COL21A1: variants seen among roughly 807,000 people sequenced by gnomAD.
COL21A1 encodes collagen alpha-1(XXI) chain.
COL21A1 carries 149 observed loss-of-function variants against 137.9 expected under a neutral mutation model. The ratio of observed to expected loss-of-function variants is 1.08; its 90% CI spans 0.95 to 1.24. The LOEUF is 1.24. COL21A1 is among the 50% of genes most tolerant of loss of function. The probability of loss-of-function intolerance (pLI) is 0.00; values close to 1 mark genes in which losing one functional copy is unlikely to be tolerated. For missense variants in COL21A1, 1,167 were observed against 1,158.4 expected (o/e 1.01, Z -0.11); for synonymous variants, 456 against 391.5 (o/e 1.16, Z -1.95).
intron 1 of COL21A1, among the ~76,000 whole-genome samples, chr6:56,215,048 G>A (rs574883649): frequency 2.0e-5 from 3 of 152,096 alleles, no homozygotes; most frequent in African/African-American, 4.8e-5. Context: ...AATGCTTAAC[G>A]TCCTATGTTA....
chr6:56,128,576 C>T (rs1773237712), intron 12 of COL21A1, among the ~76,000 whole-genome samples: 1 of 152,166 alleles, frequency 6.6e-6, no homozygotes, highest in African/African-American at 2.4e-5. Context: ...GACTGGCTGA[C>T]CGCATTCTGG....
intron 12 of COL21A1, among the ~76,000 whole-genome samples, chr6:56,130,213 A>AAT (rs1773443331): frequency 9.0e-5 from 3 of 33,496 alleles, no homozygotes; most frequent in African/African-American, 2.7e-4. Context: ...ATATATATAA[A>AAT]ATTTCAAATT....
chr6:56,170,889 A>C, intron 4 of COL21A1, 24 bp from the exon 5 acceptor site: 1 of 1,601,628 alleles, frequency 6.2e-7, no homozygotes, highest in East Asian at 2.2e-5. Context: ...AGCAAGTGTA[A>C]GCTTAAAGAA....
At chr6:56,121,687 T>C (rs1205939413) in intron 16 of COL21A1, among the ~76,000 whole-genome samples, 1 of 151,690 alleles carries the variant, frequency 6.6e-6, no homozygotes. Flanking sequence ...GTAACAAATG[T>C]ACTACTCTGG....
At chr6:56,231,611 A>C (rs1437233270) in intron 1 of COL21A1, among the ~76,000 whole-genome samples, 2 of 151,860 alleles carry the variant, frequency 1.3e-5, no homozygotes, top group Non-Finnish European at 2.9e-5. Flanking sequence ...ATTGTCTTAA[A>C]TATTTTACCA....
At chr6:56,182,502 CA>C in intron 2 of COL21A1, 28 bp downstream of exon 2, 4 of 1,447,602 alleles carry the variant, frequency 2.8e-6, no homozygotes, top group Non-Finnish European at 2.9e-6. Flanking sequence ...TTGTTGATAA[CA>C]AAAAAGGACA....
intron 17 of COL21A1, among the ~76,000 whole-genome samples, chr6:56,095,328 C>T (rs1296200656): frequency 2.0e-5 from 3 of 152,126 alleles, no homozygotes; most frequent in Non-Finnish European, 4.4e-5. Context: ...AGAGTCATCT[C>T]TTATCTTACC....
At chr6:56,382,324 A>G (rs1372642573) in intron 1 of COL21A1, among the ~76,000 whole-genome samples, 1 of 152,240 alleles carries the variant, frequency 6.6e-6, no homozygotes, top group Non-Finnish European at 1.5e-5. Flanking sequence ...TATTCTCATA[A>G]TTCCATTAGA....
upstream of COL21A1, among the ~76,000 whole-genome samples, chr6:56,251,758 C>G (rs1782861745): frequency 6.6e-6 from 1 of 152,190 alleles, no homozygotes; most frequent in South Asian, 2.1e-4. Flanking sequence ...CAAAGACAAG[C>G]AGTTCTCAAA....
At chr6:56,143,798 CATTTCTGT>C (rs1449638636) in intron 10 of COL21A1, among the ~76,000 whole-genome samples, 10 of 152,172 alleles carry the variant, frequency 6.6e-5, no homozygotes, top group Middle Eastern at 3.2e-3. Flanking sequence ...AGGTTTAATT[CATTTCTGT>C]ATTTTTGGCA....
intron 1 of COL21A1, among the ~76,000 whole-genome samples, chr6:56,255,862 G>T (rs751693856): frequency 6.6e-6 from 1 of 152,142 alleles, no homozygotes; most frequent in Non-Finnish European, 1.5e-5. Context: ...CACCGCAGCC[G>T]CTGTCTGAGA....
chr6:56,158,246 G>GTTT (rs1267308023), intron 9 of COL21A1, among the ~76,000 whole-genome samples: 4 of 98,984 alleles, frequency 4.0e-5, no homozygotes, highest in Non-Finnish European at 6.3e-5. Flanking sequence ...TCACTCGTGG[G>GTTT]TTTTTTCTTT....
In COL21A1 at chr6:56,141,973, C is replaced by A; in HGVS notation, c.1445G>T (p.Gly482Val). The A allele has an allele frequency of 6.5e-7, 1 of 1,528,430 alleles. No individual in the cohort carries two copies. The highest frequency in any genetic ancestry group is 1.2e-5 in the South Asian group (1 of 80,224). 94.7% of individuals were successfully genotyped at this position (1,528,430 alleles called of 1,614,324 possible). A position where few individuals can be genotyped will look rare whatever the true frequency, so the allele number is the denominator to read the frequency against. ...PGQDGKPGYQ[G>V]IAGTPGVPGS... Reference sequence around the variant, plus strand: ...TGGAACACCTGGTGTCCCTGCAATTCCCTGATATCCCTAAAGAAAAATTTA... The same window carrying A: ...TGGAACACCTGGTGTCCCTGCAATTACCTGATATCCCTAAAGAAAAATTTA... The change falls in exon 11 of 30, where the codon GGA becomes GTA. Residue 482 changes from glycine (G) to valine (V), a missense_variant. Physicochemically the swap from Gly to Val is moderately radical, Grantham distance 109. Transcript: ENST00000244728.
chr6:56,237,167 A>G (rs1008285817), intron 1 of COL21A1, among the ~76,000 whole-genome samples: 1 of 151,982 alleles, frequency 6.6e-6, no homozygotes, highest in Non-Finnish European at 1.5e-5. Flanking sequence ...AAAATTCTCT[A>G]GAGTCTACAG....
intron 17 of COL21A1, among the ~76,000 whole-genome samples, chr6:56,088,991 AC>A (rs1768532539): frequency 1.3e-5 from 2 of 151,946 alleles, no homozygotes; most frequent in South Asian, 4.2e-4. Context: ...TTGCGATGCT[AC>A]CCAGGCTAGT....
Position 56,124,357 on chromosome 6 carries a change from C to G in COL21A1, c.1651-65G>C, listed in dbSNP as rs114980709. ...TAATGTTTTCAAGTTCCAACCAAAA[C>G]TTAAATAGAAAAGCTACTAAGTTAA... On this transcript the variant is annotated intron_variant, in intron 14 of 29. Transcript: ENST00000244728. 2,244 of 1,438,688 alleles carry G rather than the reference C, an allele frequency of 1.6e-3. 25 individuals carry two copies. The African/African-American group carries it at 0.03, about 19-fold the overall frequency. The allele number at this position is 1,438,688 out of a possible 1,614,324, so 89.1% of individuals were successfully genotyped here.
chr6:56,263,252 G>A (rs566257720), intron 1 of COL21A1, among the ~76,000 whole-genome samples: 4 of 152,240 alleles, frequency 2.6e-5, no homozygotes, highest in African/African-American at 9.6e-5. Context: ...TTTCATAAAG[G>A]GCCAAAGAAA....
rs1032417006 is a variant in COL21A1 at position 56,166,729 on chromosome 6, T to C, written c.1278+177A>G. 4.4e-6 allele frequency: 3 copies of C among 689,172 alleles called. No homozygotes were observed. The African/African-American group carries it at 5.3e-5, about 12-fold the overall frequency. 42.7% of individuals were successfully genotyped at this position (689,172 alleles called of 1,614,324 possible). A position where few individuals can be genotyped will look rare whatever the true frequency, so the allele number is the denominator to read the frequency against. On this transcript the variant is annotated intron_variant, in intron 7 of 29. Coordinates refer to ENST00000244728, the MANE Select transcript of COL21A1 (RefSeq NM_030820.4). ...ACTTGCACAATGACACATAACAATCTCATTTCAATTATAACCTCAAAATAT... is the reference window on the plus strand; with the variant it reads ...ACTTGCACAATGACACATAACAATCCCATTTCAATTATAACCTCAAAATAT...
rs1323680010 is a variant in COL21A1 at position 56,124,288 on chromosome 6, G to T, written c.1655C>A (p.Ala552Glu). Residue 552 changes from alanine to glutamate, a missense_variant, in exon 15 of 30, where the codon GCA becomes GAA. Ala to Glu is a moderately radical substitution (Grantham distance 107, BLOSUM62 -1). Coordinates refer to ENST00000244728, the MANE Select transcript of COL21A1 (RefSeq NM_030820.4). ...GCCAGCATTCCCCTTTTCACCTTTT[G>T]CACCCTGTATCGAAAACAAACACTT... ...GSPGFYGKKG[A>E]KGEKGNAGFP... 6.9e-6 allele frequency: 11 copies of T among 1,601,794 alleles called. No homozygotes were observed. Among genetic ancestry groups the T allele is most frequent in the African/African-American group, 1.3e-5 (1 of 74,700 alleles).
Sources: allele counts gnomAD v4.1 joint callset (sites outside exome capture counted in the v4.1 genomes callset), GRCh38; gene constraint gnomAD v4.1.1; transcripts MANE v1.5; gene names NCBI Gene and HGNC (gene_info 2026-07-23, HGNC 2026-07-21).